LIMS1: variants seen among roughly 807,000 people sequenced by gnomAD.
LIMS1 encodes the protein LIM and senescent cell antigen-like-containing domain protein 1.
Under a neutral mutation model 44.1 loss-of-function variants are expected in LIMS1, and 18 were observed. The ratio of observed to expected loss-of-function variants is 0.41; its 90% CI spans 0.28 to 0.61. The LOEUF (loss-of-function observed/expected upper bound fraction) is 0.61, where lower values mean the gene tolerates loss of function less well. LIMS1 is among the 20% of genes least tolerant of loss of function. The probability of loss-of-function intolerance (pLI) is 0.32; values close to 1 mark genes in which losing one functional copy is unlikely to be tolerated. For synonymous variants in LIMS1, 93 were observed against 149.1 expected (o/e 0.62, Z 2.74); for missense variants, 201 against 422.0 (o/e 0.48, Z 4.59).
intron 1 of LIMS1, among the ~76,000 whole-genome samples, chr2:108,542,294 T>C (rs1305685651): frequency 6.6e-6 from 1 of 152,236 alleles, no homozygotes; most frequent in African/African-American, 2.4e-5. Context: ...GCCACTGTTT[T>C]GGAAACTCGG....
At chr2:108,558,444 C>T (rs573798026) in intron 1 of LIMS1, among the ~76,000 whole-genome samples, 7 of 151,738 alleles carry the variant, frequency 4.6e-5, no homozygotes, top group Admixed American at 6.6e-5. Context: ...CTCCTGACCT[C>T]GTGATCCGCC....
intron 1 of LIMS1, among the ~76,000 whole-genome samples, chr2:108,582,678 G>A (rs1168404962): frequency 6.6e-6 from 1 of 152,160 alleles, no homozygotes. Flanking sequence ...TAAGGTGGAA[G>A]GATTGTTTGA....
chr2:108,606,788 A>C (rs554175272), intron 1 of LIMS1, among the ~76,000 whole-genome samples: 1 of 152,214 alleles, frequency 6.6e-6, no homozygotes, highest in African/African-American at 2.4e-5. Flanking sequence ...TGGGAGTCCT[A>C]TGTGAGGAGA....
chr2:108,612,821 A>T (rs1573448652), intron 1 of LIMS1, among the ~76,000 whole-genome samples: 1 of 152,028 alleles, frequency 6.6e-6, no homozygotes, highest in East Asian at 1.9e-4. Flanking sequence ...CAGTGTTTAC[A>T]CTCCGGGGCT....
chr2:108,665,546 A>T (rs1359452516), intron 2 of LIMS1, among the ~76,000 whole-genome samples: 9 of 151,926 alleles, frequency 5.9e-5, no homozygotes, highest in Non-Finnish European at 1.5e-5. Context: ...ATTTTTTTTG[A>T]GACAGAGTTT....
intron 1 of LIMS1, among the ~76,000 whole-genome samples, chr2:108,578,787 G>A (rs989239829): frequency 6.6e-6 from 1 of 151,766 alleles, no homozygotes; most frequent in African/African-American, 2.4e-5. Context: ...GTAGAGATGG[G>A]GTTTCACTGT....
intron 1 of LIMS1, among the ~76,000 whole-genome samples, chr2:108,632,435 C>T (rs986812060): frequency 6.6e-6 from 1 of 152,194 alleles, no homozygotes; most frequent in African/African-American, 2.4e-5. Context: ...GCTGATGCTG[C>T]ATAGGATGTA....
chr2:108,568,874 G>T (rs1285994010), intron 1 of LIMS1, among the ~76,000 whole-genome samples: 1 of 151,938 alleles, frequency 6.6e-6, no homozygotes, highest in Non-Finnish European at 1.5e-5. Flanking sequence ...TTGTAACCAG[G>T]CTATTTGATT....
chr2:108,574,529 G>T (rs558474562), intron 1 of LIMS1, among the ~76,000 whole-genome samples: 3 of 152,248 alleles, frequency 2.0e-5, no homozygotes, highest in Non-Finnish European at 2.9e-5. Context: ...CTGCTTCTGT[G>T]CTCTCTCACC....
At chr2:108,674,257 A>G (rs569159616) in intron 5 of LIMS1, among the ~76,000 whole-genome samples, 59 of 151,318 alleles carry the variant, frequency 3.9e-4, no homozygotes, top group Admixed American at 3.6e-3. Context: ...AGGAACCCGG[A>G]AGGCGGAGGT....
rs540991949 is a variant in LIMS1 at position 108,588,310 on chromosome 2, A to G, written c.32+53716A>G. ...TGAACTTGGTTTCATTGGCTCAAAT[A>G]TAGTTCAAGACAACAGAGACAAAGC... On this transcript the variant is annotated intron_variant, in intron 1 of 9. Coordinates refer to ENST00000544547, the Ensembl canonical transcript of LIMS1. 7.1e-6 allele frequency: 7 copies of G among 985,004 alleles called. No individual in the cohort carries two copies. In the South Asian group the frequency reaches 2.3e-4, roughly 33 times the overall value. 61.0% of individuals were successfully genotyped at this position (985,004 alleles called of 1,614,324 possible).
At chr2:108,599,390 A>C (rs1407433143) in intron 1 of LIMS1, among the ~76,000 whole-genome samples, 5 of 152,248 alleles carry the variant, frequency 3.3e-5, no homozygotes, top group Admixed American at 6.5e-5. Flanking sequence ...TTTATGGCTG[A>C]ATAATACTCC....
At chr2:108,610,552 C>A (rs996496186) in intron 1 of LIMS1, among the ~76,000 whole-genome samples, 1 of 152,110 alleles carries the variant, frequency 6.6e-6, no homozygotes, top group African/African-American at 2.4e-5. Flanking sequence ...CTTTTATAAG[C>A]TGGTCTCTGA....
intron 1 of LIMS1, among the ~76,000 whole-genome samples, chr2:108,552,051 AAT>A (rs1419181713): frequency 1.4e-5 from 2 of 144,904 alleles, no homozygotes; most frequent in Non-Finnish European, 3.0e-5. Context: ...AGAGGTCTCT[AAT>A]GTGTGTATAT....
Position 108,658,911 on chromosome 2 carries a change from TTAAC to T in LIMS1, c.33-690_33-687del, listed in dbSNP as rs1235465268. ...TGGATTTCTAGTCCTGCGCCTTCCT[TTAAC>T]TAATTAGCCTTGTGATGTTGGTCTG... is the stretch of plus-strand genomic sequence containing the variant. On this transcript the variant is annotated intron_variant, in intron 1 of 9. Transcript: ENST00000544547. 7.2e-5 allele frequency among the ~76,000 whole-genome samples: 11 copies of T among 152,424 alleles called. No homozygotes were observed. In the East Asian group the frequency reaches 1.9e-3, roughly 27 times the overall value.
At chr2:108,614,898 C>T (rs533115635) in intron 1 of LIMS1, among the ~76,000 whole-genome samples, 14 of 152,254 alleles carry the variant, frequency 9.2e-5, no homozygotes, top group African/African-American at 2.9e-4. Flanking sequence ...CCCTTGAATT[C>T]CAGGGCAGGG....
intron 1 of LIMS1, among the ~76,000 whole-genome samples, chr2:108,609,858 A>G (rs1332530424): frequency 6.6e-6 from 1 of 151,624 alleles, no homozygotes; most frequent in African/African-American, 2.4e-5. Flanking sequence ...AAAATATTTT[A>G]TTGGCCGGGC....
At chr2:108,630,216 GAAAGA>G (rs1688830785) in intron 1 of LIMS1, among the ~76,000 whole-genome samples, 1 of 113,300 alleles carries the variant, frequency 8.8e-6, no homozygotes, top group Non-Finnish European at 1.9e-5. Flanking sequence ...AAAAAAAAAA[GAAAGA>G]AAAGAAAACC....
intron 1 of LIMS1, among the ~76,000 whole-genome samples, chr2:108,609,417 A>G (rs1687464292): frequency 6.6e-6 from 1 of 152,038 alleles, no homozygotes; most frequent in African/African-American, 2.4e-5. Context: ...ACATAAACCC[A>G]TCAGCCTGGC....
Sources: gnomAD v4.1 joint callset for allele counts (sites outside exome capture counted in the v4.1 genomes callset) on GRCh38, gnomAD v4.1.1 for gene constraint, MANE v1.5 for transcripts, NCBI Gene and HGNC (gene_info 2026-07-23, HGNC 2026-07-21) for gene names.